SEPTIN12: variants seen among roughly 807,000 people sequenced by gnomAD.
SEPTIN12 encodes septin 12.
Under a neutral mutation model 37.7 loss-of-function variants are expected in SEPTIN12, and 42 were observed. That is an observed-to-expected ratio of 1.11 (90% CI 0.87 to 1.44). SEPTIN12 has a LOEUF of 1.44. SEPTIN12 is among the 40% of genes most tolerant of loss of function. SEPTIN12 has a pLI of 0.00. For synonymous variants in SEPTIN12, 254 were observed against 196.7 expected, an observed-to-expected ratio of 1.29 and a Z score of -2.44; for missense variants, 613 against 479.2, an observed-to-expected ratio of 1.28 and a Z score of -2.61.
At chr16:4,781,257 TAA>T (rs757068979) in intron 7 of SEPTIN12, among the ~76,000 whole-genome samples, 37 of 127,770 alleles carry the variant, frequency 2.9e-4, no homozygotes, top group Admixed American at 4.8e-4. Flanking sequence ...AGACTCCATC[TAA>T]AAAAAAAAAA....
intron 8 of SEPTIN12, among the ~76,000 whole-genome samples, chr16:4,778,991 A>T (rs935005169): frequency 7.3e-5 from 11 of 150,322 alleles, no homozygotes; most frequent in African/African-American, 2.5e-4. Context: ...ACAAAAAATT[A>T]GCTGGGCGTG....
intron 2 of SEPTIN12, 102 bp downstream of exon 2, chr16:4,787,377 TA>T: frequency 9.6e-7 from 1 of 1,036,836 alleles, no homozygotes; most frequent in Non-Finnish European, 1.5e-6. Flanking sequence ...CAGGCCCACC[TA>T]AGAGATGGGG....
chr16:4,790,907 GT>G (rs1012794094), upstream of SEPTIN12, among the ~76,000 whole-genome samples: 1 of 152,258 alleles, frequency 6.6e-6, no homozygotes, highest in Admixed American at 6.5e-5. Flanking sequence ...CTGGACCACA[GT>G]TTGTTGTCCA....
At position 4,779,754 on chromosome 16, in the gene SEPTIN12, G is replaced by A. The variant is rs777912975; in HGVS notation, c.759C>T (p.Asp253=). ...DRIPFAVVGA[D]QEHLVNGRCV... Reference sequence around the variant, plus strand: ...ACCTCCCGTTCACCAGGTGCTCTTGGTCAGCCCCTACCACGGCAAAAGGGA... The same window carrying A: ...ACCTCCCGTTCACCAGGTGCTCTTGATCAGCCCCTACCACGGCAAAAGGGA... Residue 253 remains aspartate (D), a synonymous_variant, in exon 8 of 10, where the codon GAC becomes GAT. Coordinates refer to ENST00000268231, the MANE Select transcript of SEPTIN12 (RefSeq NM_144605.5). The A allele has an allele frequency of 6.2e-7, 1 of 1,613,524 alleles. No homozygotes were observed. Among genetic ancestry groups the A allele is most frequent in the Admixed American group, 1.7e-5 (1 of 59,976 alleles).
At position 4,779,797 on chromosome 16, in the gene SEPTIN12, A is replaced by G. The variant is rs140343839; in HGVS notation, c.727-11T>C. The G allele has an allele frequency of 3.2e-5, 51 of 1,583,480 alleles. No individual in the cohort carries two copies. The East Asian group carries it at 1.1e-3, about 33-fold the overall frequency. On this transcript the variant is annotated splice_polypyrimidine_tract_variant and intron_variant, in intron 7 of 9. Transcript: ENST00000268231. ...AAAAGGGATTCGGTCCTGGGAAAGG[A>G]GAAGACACAGAGATGGGAGGATTGA...
intron 1 of SEPTIN12, chr16:4,787,944 T>G: frequency 3.0e-6 from 1 of 328,984 alleles, no homozygotes; most frequent in South Asian, 4.8e-5. Context: ...GCCTCTCAGG[T>G]CGCTTCCCCC....
At position 4,784,969 on chromosome 16, in the gene SEPTIN12, G is replaced by A. The variant is rs866447958; in HGVS notation, c.374+838C>T. Reference sequence around the variant, plus strand: ...CTACTAAAAATACAAAAATTGGGCCGGGTGCAGTGGCTCACACCTGTAATC... The same window carrying A: ...CTACTAAAAATACAAAAATTGGGCCAGGTGCAGTGGCTCACACCTGTAATC... On this transcript the variant is annotated intron_variant, in intron 4 of 9. Transcript: ENST00000268231. Among the ~76,000 whole-genome samples the A allele has an allele frequency of 7.3e-5, 11 of 150,838 alleles. 2 individuals carry two copies. In the Middle Eastern group the frequency reaches 0.032, roughly 435 times the overall value.
chr16:4,779,693 C>T lies in SEPTIN12; in HGVS notation c.820G>A (p.Glu274Lys), dbSNP rs1293205720. ...TACCCAGGGGCCCCGCACTGACCTTCAATGATGCCCCACTTGGTCTTCCGG... is the reference window on the plus strand; with the variant it reads ...TACCCAGGGGCCCCGCACTGACCTTTAATGATGCCCCACTTGGTCTTCCGG... ...LGRKTKWGIIEVENMAHCEFP... is the reference protein window; with the variant it reads ...LGRKTKWGIIKVENMAHCEFP... The change falls in exon 8 of 10, where the codon GAA (glutamate) becomes AAA (lysine). Residue 274 changes from glutamate to lysine, a missense_variant. By Grantham distance (56) the Glu-to-Lys change is moderately conservative (BLOSUM62 1). Transcript: ENST00000268231. 2 of 1,608,572 alleles carry T rather than the reference C, an allele frequency of 1.2e-6. No individual in the cohort carries two copies. The highest frequency in any genetic ancestry group is 1.7e-6 in the Non-Finnish European group (2 of 1,175,122).
chr16:4,784,160 G>C lies in SEPTIN12; in HGVS notation c.375-92C>G. On this transcript the variant is annotated intron_variant, in intron 4 of 9. Coordinates refer to ENST00000268231, the MANE Select transcript of SEPTIN12 (RefSeq NM_144605.5). The stretch of plus-strand genomic sequence containing the variant: ...TGTGTCCTCTGGGCGGTCCTCCCTT[G>C]GGACGACGAATCGTCCCGGTTGGCC... 6 of 1,500,224 alleles carry C rather than the reference G, an allele frequency of 4.0e-6. No individual in the cohort carries two copies. In the South Asian group the frequency reaches 7.0e-5, roughly 17 times the overall value. The allele number at this position is 1,500,224 out of a possible 1,614,324, so 92.9% of individuals were successfully genotyped here.
intron 7 of SEPTIN12, 172 bp downstream of exon 7, chr16:4,783,290 T>C: frequency 1.6e-6 from 1 of 629,312 alleles, no homozygotes; most frequent in Non-Finnish European, 2.9e-6. Flanking sequence ...TGTGGGTTGT[T>C]AGTGTGAGCT....
At chr16:4,791,799 T>G (rs1371141460), upstream of SEPTIN12, among the ~76,000 whole-genome samples, 1 of 152,116 alleles carries the variant, frequency 6.6e-6, no homozygotes, top group Non-Finnish European at 1.5e-5. Flanking sequence ...GTGATTCTCC[T>G]GCCTCAGCTT....
At position 4,783,933 on chromosome 16, in the gene SEPTIN12, G is replaced by T. The variant is rs541523371; in HGVS notation, c.510C>A (p.His170Gln). Residue 170 changes from histidine to glutamine, a missense_variant and splice_region_variant, in exon 5 of 10, where the codon CAC becomes CAA. Transcript: ENST00000268231. ...CCVYFVPPTG[H>Q]CLRPLDIEFL... The stretch of plus-strand genomic sequence containing the variant: ...CCTTGCAGGTGCAGCCCCCTCACCA[G>T]TGCCCAGTGGGTGGTACAAAGTACA... 3 of 1,614,134 alleles carry T rather than the reference G, an allele frequency of 1.9e-6. No individual in the cohort carries two copies. In the African/African-American group the frequency reaches 4.0e-5, roughly 22 times the overall value.
chr16:4,778,059 C>G (rs574010393), intron 9 of SEPTIN12, 27 bp downstream of exon 9: 3 of 1,613,776 alleles, frequency 1.9e-6, no homozygotes, highest in South Asian at 2.2e-5. Context: ...CGCCAGCCCC[C>G]TAGCCCCAGG....
At position 4,785,807 on chromosome 16, in the gene SEPTIN12, C is replaced by A; in HGVS notation, c.374G>T (p.Cys125Phe). 2 of 1,604,660 alleles carry A rather than the reference C, an allele frequency of 1.2e-6. No homozygotes were observed. Among genetic ancestry groups the A allele is most frequent in the African/African-American group, 1.3e-5 (1 of 74,734 alleles). Residue 125 changes from cysteine to phenylalanine, a missense_variant and splice_region_variant, in exon 4 of 10, where the codon TGC (cysteine) becomes TTC (phenylalanine). Transcript: ENST00000268231. Reference protein sequence around the residue: ...GFGDQINNDNCWDPILGYINE... With the variant: ...GFGDQINNDNFWDPILGYINE... ...AAAAAAAAAAAGAGAGAGAACCTAC[C>A]AGTTGTCATTGTTGATCTGGTCCCC... is the stretch of plus-strand genomic sequence containing the variant.
At chr16:4,779,522 C>T (rs1300817509) in intron 8 of SEPTIN12, among the ~76,000 whole-genome samples, 168 bp downstream of exon 8, 1 of 152,158 alleles carries the variant, frequency 6.6e-6, no homozygotes, top group South Asian at 2.1e-4. Flanking sequence ...CCAGAGGGTC[C>T]GGAAACTTGC....
At position 4,783,464 on chromosome 16, in the gene SEPTIN12, G is replaced by A. The variant is rs750686221; in HGVS notation, c.724C>T (p.Arg242Trp). 3.0e-5 allele frequency: 48 copies of A among 1,613,300 alleles called. No individual in the cohort carries two copies. The highest frequency in any genetic ancestry group is 3.9e-5 in the Non-Finnish European group (46 of 1,179,540). Residue 242 changes from arginine (R) to tryptophan (W), a missense_variant and splice_region_variant, in exon 7 of 10, where the codon CGG becomes TGG. Arg to Trp is a moderately radical substitution (Grantham distance 101). Transcript: ENST00000268231. ...INDKILNSKL[R>W]DRIPFAVVGA... ...CCTCCCGCCCCACAGCCTCTCACCC[G>A]TAACTTGCTGTTGAGGATTTTGTCA...
chr16:4,778,921 C>T (rs879451898), intron 8 of SEPTIN12, among the ~76,000 whole-genome samples: 11 of 151,154 alleles, frequency 7.3e-5, no homozygotes, highest in Non-Finnish European at 1.3e-4. Flanking sequence ...GGGCAGATCA[C>T]GAGGTCAGGA....
intron 2 of SEPTIN12, 139 bp from the exon 3 acceptor site, chr16:4,786,244 G>A (rs2082442613): frequency 9.7e-6 from 11 of 1,137,166 alleles, no homozygotes; most frequent in South Asian, 3.3e-5. Context: ...TGCAATCCCC[G>A]TTCACTGCAG....
In SEPTIN12 at chr16:4,783,959, C is replaced by T. The variant is rs144420035; in HGVS notation, c.484G>A (p.Val162Met). The T allele has an allele frequency of 1.1e-3, 1,822 of 1,614,016 alleles. 2 individuals carry two copies. The highest frequency in any genetic ancestry group is 1.5e-3 in the Non-Finnish European group (1,716 of 1,180,010). ...TGCCCAGTGGGTGGTACAAAGTACACGCAGCAGTGCACCCGGGTGTCTGGG... is the reference window on the plus strand; with the variant it reads ...TGCCCAGTGGGTGGTACAAAGTACATGCAGCAGTGCACCCGGGTGTCTGGG... ...HIPDTRVHCC[V>M]YFVPPTGHCL... is the part of the protein sequence containing the mutation. The change falls in exon 5 of 10, where the codon GTG (valine) becomes ATG (methionine). Residue 162 changes from valine to methionine, a missense_variant. Physicochemically the swap from Val to Met is conservative, Grantham distance 21 (BLOSUM62 1). Transcript: ENST00000268231.
Sources: gnomAD v4.1 joint callset for allele counts (sites outside exome capture counted in the v4.1 genomes callset) on GRCh38, gnomAD v4.1.1 for gene constraint, MANE v1.5 for transcripts, NCBI Gene and HGNC (gene_info 2026-07-23, HGNC 2026-07-21) for gene names.